Variants in NME7 observed in about 807,000 individuals in gnomAD.
NME7 encodes the protein NME/NM23 family member 7.
In NME7, 41 loss-of-function variants were observed where a neutral mutation model predicts 49.1. That is an observed-to-expected ratio of 0.83 (90% CI 0.65 to 1.08). The LOEUF (loss-of-function observed/expected upper bound fraction) is 1.08, where lower values mean the gene tolerates loss of function less well. NME7 is among the 50% of genes least tolerant of loss of function. The pLI is 0.00. For synonymous variants in NME7, 139 were observed against 150.6 expected (o/e 0.92, Z 0.56); for missense variants, 423 against 463.4 (o/e 0.91, Z 0.80).
At chr1:169,327,261 A>G (rs1517750) in intron 1 of NME7, among the ~76,000 whole-genome samples, 53,142 of 151,854 alleles carry the variant, frequency 0.35, 10,363 homozygotes, top group Non-Finnish European at 0.44. Flanking sequence ...TTCTTCCCTG[A>G]AGATTCCAAC....
chr1:169,245,758 G>A (rs1437998126), intron 7 of NME7, among the ~76,000 whole-genome samples: 1 of 151,944 alleles, frequency 6.6e-6, no homozygotes, highest in African/African-American at 2.4e-5. Context: ...TTAGTGTAAA[G>A]ACAAATCAAA....
intron 1 of NME7, among the ~76,000 whole-genome samples, chr1:169,330,808 T>C (rs1453908063): frequency 6.6e-6 from 1 of 152,028 alleles, no homozygotes; most frequent in Non-Finnish European, 1.5e-5. Flanking sequence ...TAACCAGATA[T>C]ATACAATCTA....
At chr1:169,241,309 G>A (rs557236270) in intron 7 of NME7, among the ~76,000 whole-genome samples, 1 of 152,050 alleles carries the variant, frequency 6.6e-6, no homozygotes, top group South Asian at 2.1e-4. Flanking sequence ...TGGTGCCACT[G>A]CCTTGATTCG....
chr1:169,338,161 CTAAG>C (rs1652553830), intron 1 of NME7, among the ~76,000 whole-genome samples: 2 of 152,246 alleles, frequency 1.3e-5, no homozygotes, highest in Admixed American at 6.5e-5. Flanking sequence ...TCTTTAAACA[CTAAG>C]TATACCATTG....
At position 169,355,180 on chromosome 1, in the gene NME7, C is replaced by T. The variant is rs867594508; in HGVS notation, c.3+12528G>A. 3.4e-3 allele frequency among the ~76,000 whole-genome samples: 89 copies of T among 26,408 alleles called. 9 individuals are homozygous for T. Among genetic ancestry groups the T allele is most frequent in the African/African-American group, 0.012 (73 of 5,976 alleles). 17.3% of individuals were successfully genotyped at this position (26,408 alleles called of 152,430 possible). A position where few individuals can be genotyped will look rare whatever the true frequency, so the allele number is the denominator to read the frequency against. On this transcript the variant is annotated intron_variant, in intron 1 of 11. Coordinates refer to ENST00000367811, the MANE Select transcript of NME7 (RefSeq NM_013330.5). ...TATTATAGATATAATATATAATATACTATATATTATAGATATAATATATAA... is the reference window on the plus strand; with the variant it reads ...TATTATAGATATAATATATAATATATTATATATTATAGATATAATATATAA...
chr1:169,180,228 G>A (rs1275759423), intron 10 of NME7, among the ~76,000 whole-genome samples: 1 of 152,144 alleles, frequency 6.6e-6, no homozygotes, highest in Non-Finnish European at 1.5e-5. Flanking sequence ...GGCCAAACTG[G>A]AGGCATTTAG....
chr1:169,366,102 G>A (rs1172888111), intron 1 of NME7, among the ~76,000 whole-genome samples: 1 of 152,188 alleles, frequency 6.6e-6, no homozygotes, highest in African/African-American at 2.4e-5. Flanking sequence ...GAATCCATGT[G>A]AGTGGACAAA....
intron 5 of NME7, chr1:169,302,028 C>T (rs950879180): frequency 6.6e-6 from 1 of 151,302 alleles, no homozygotes; most frequent in African/African-American, 2.4e-5. Context: ...TCCCACGTAA[C>T]AAATCTGCAT....
intron 11 of NME7, among the ~76,000 whole-genome samples, chr1:169,152,382 C>T (rs1658937787): frequency 6.6e-6 from 1 of 152,180 alleles, no homozygotes; most frequent in Admixed American, 6.5e-5. Flanking sequence ...AAGAGTTTAA[C>T]CTGCTTGCTT....
rs773242347 is a variant in NME7, at chr1:169,323,324, G to A, written c.112-41C>T. On this transcript the variant is annotated intron_variant, in intron 2 of 11. Coordinates refer to ENST00000367811, the MANE Select transcript of NME7 (RefSeq NM_013330.5). ...ACAATATAACAAACAAACAAAAAAA[G>A]TTATGAATAAGGAAAGTTAATCTCA... 3 of 1,422,068 alleles carry A rather than the reference G, an allele frequency of 2.1e-6. No homozygotes were observed. The African/African-American group carries it at 4.4e-5, about 21-fold the overall frequency. The allele number at this position is 1,422,068 out of a possible 1,614,324, so 88.1% of individuals were successfully genotyped here.
In NME7 at chr1:169,324,514, CAGA is replaced by C; in HGVS notation, c.4-17_4-15del. ...TTCACTATGATTCTGCAAAGAAAGA[CAGA>C]AGAATTTTAACACTAACATATAAAG... On this transcript the variant is annotated splice_polypyrimidine_tract_variant and intron_variant, in intron 1 of 11. Coordinates refer to ENST00000367811, the MANE Select transcript of NME7 (RefSeq NM_013330.5). 6.6e-7 allele frequency: 1 copy of C among 1,525,168 alleles called. No homozygotes were observed. The allele number at this position is 1,525,168 out of a possible 1,614,324, so 94.5% of individuals were successfully genotyped here.
chr1:169,244,432 G>C (rs1230215082), intron 7 of NME7, among the ~76,000 whole-genome samples: 1 of 151,568 alleles, frequency 6.6e-6, no homozygotes, highest in South Asian at 2.1e-4. Flanking sequence ...AGGAGATCGA[G>C]ACCATCCTGG....
At chr1:169,350,543 T>A (rs1187965854) in intron 1 of NME7, among the ~76,000 whole-genome samples, 1 of 151,920 alleles carries the variant, frequency 6.6e-6, no homozygotes, top group Non-Finnish European at 1.5e-5. Flanking sequence ...TTTCTCTCTT[T>A]TGTCTCCTAG....
chr1:169,207,103 T>G (rs779004726), intron 10 of NME7, among the ~76,000 whole-genome samples: 11 of 152,108 alleles, frequency 7.2e-5, no homozygotes, highest in Middle Eastern at 6.3e-3. Context: ...TACCAGCATC[T>G]GCTTCTGATG....
At chr1:169,205,206 C>T (rs1334851223) in intron 10 of NME7, among the ~76,000 whole-genome samples, 1 of 152,084 alleles carries the variant, frequency 6.6e-6, no homozygotes, top group Non-Finnish European at 1.5e-5. Flanking sequence ...TAATTCACTA[C>T]TTTCTATAAT....
chr1:169,153,641 T>C (rs897633022), intron 11 of NME7, among the ~76,000 whole-genome samples: 1 of 149,234 alleles, frequency 6.7e-6, no homozygotes, highest in African/African-American at 2.5e-5. Flanking sequence ...TGCTGGTGTT[T>C]AATTTTATAT....
At chr1:169,137,149 A>G (rs1658456039) in intron 11 of NME7, among the ~76,000 whole-genome samples, 1 of 152,236 alleles carries the variant, frequency 6.6e-6, no homozygotes, top group African/African-American at 2.4e-5. Flanking sequence ...TATTTAGTAG[A>G]TGACCAACTT....
At position 169,331,266 on chromosome 1, in the gene NME7, C is replaced by T. The variant is rs574945955; in HGVS notation, c.4-6766G>A. On this transcript the variant is annotated intron_variant, in intron 1 of 11. Coordinates refer to ENST00000367811, the MANE Select transcript of NME7 (RefSeq NM_013330.5). ...AAAGCATTTGATAAAACTCAACATA[C>T]CTTCATGATGAAAACTCTCAAAAAA... Among the ~76,000 whole-genome samples the T allele has an allele frequency of 2.0e-5, 3 of 152,204 alleles. No homozygotes were observed. The South Asian group carries it at 6.2e-4, about 32-fold the overall frequency.
chr1:169,223,786 T>C (rs6427179), intron 10 of NME7, among the ~76,000 whole-genome samples: 1 of 150,104 alleles, frequency 6.7e-6, no homozygotes, highest in East Asian at 1.9e-4. Context: ...TATATATATA[T>C]AGAGAGAGAG....
Sources: gnomAD v4.1 joint callset for allele counts (sites outside exome capture counted in the v4.1 genomes callset) on GRCh38, gnomAD v4.1.1 for gene constraint, MANE v1.5 for transcripts, NCBI Gene and HGNC (gene_info 2026-07-23, HGNC 2026-07-21) for gene names.